Variants in PTPRT observed in about 807,000 individuals in gnomAD.
PTPRT encodes protein tyrosine phosphatase receptor type T, also known as receptor-type tyrosine-protein phosphatase T.
In PTPRT, 56 loss-of-function variants were observed where a neutral mutation model predicts 176.8. That is an observed-to-expected ratio of 0.32 (90% confidence interval 0.26 to 0.40). The LOEUF (loss-of-function observed/expected upper bound fraction) is 0.40, where lower values mean the gene tolerates loss of function less well. Ranked by LOEUF, PTPRT falls within the 10% of genes least tolerant of loss-of-function variation. The probability of loss-of-function intolerance (pLI) is 1.00; values close to 1 mark genes in which losing one functional copy is unlikely to be tolerated. For missense variants in PTPRT, 1,540 were observed against 1,908.2 expected, an observed-to-expected ratio of 0.81 and a Z score of 3.60; for synonymous variants, 783 against 739.0, an observed-to-expected ratio of 1.06 and a Z score of -0.96.
downstream of PTPRT, among the ~76,000 whole-genome samples, chr20:42,071,916 C>T (rs1463406616): frequency 6.6e-6 from 1 of 152,158 alleles, no homozygotes; most frequent in East Asian, 1.9e-4. Flanking sequence ...CTTTGGTCTT[C>T]CAAAGTGCTG....
intron 15 of PTPRT, among the ~76,000 whole-genome samples, chr20:42,231,032 T>G (rs181647186): frequency 5.8e-4 from 88 of 152,332 alleles, no homozygotes; most frequent in African/African-American, 1.9e-3. Flanking sequence ...ACATGTTGCC[T>G]GTGCACAGCA....
chr20:43,078,875 T>C (rs1181068639), intron 1 of PTPRT, among the ~76,000 whole-genome samples: 1 of 152,192 alleles, frequency 6.6e-6, no homozygotes, highest in Non-Finnish European at 1.5e-5. Flanking sequence ...CCAAATGATC[T>C]AAGGAAGCTG....
At chr20:42,442,243 G>A (rs766464023) in intron 9 of PTPRT, among the ~76,000 whole-genome samples, 1 of 152,140 alleles carries the variant, frequency 6.6e-6, no homozygotes, top group Non-Finnish European at 1.5e-5. Context: ...CTCCTGTCTC[G>A]GAAGACGCTC....
At chr20:42,120,484 T>C (rs955639559) in intron 19 of PTPRT, among the ~76,000 whole-genome samples, 1 of 152,224 alleles carries the variant, frequency 6.6e-6, no homozygotes, top group Non-Finnish European at 1.5e-5. Context: ...TATGCCAACA[T>C]TCCTGGGCTT....
At chr20:42,552,854 G>C (rs139359253) in intron 7 of PTPRT, among the ~76,000 whole-genome samples, 3 of 151,906 alleles carry the variant, frequency 2.0e-5, no homozygotes, top group Non-Finnish European at 4.4e-5. Context: ...TTCCACTTTG[G>C]GTATCAAAGA....
intron 1 of PTPRT, among the ~76,000 whole-genome samples, chr20:42,985,011 G>T (rs1983491237): frequency 6.6e-6 from 1 of 152,204 alleles, no homozygotes; most frequent in Admixed American, 6.5e-5. Context: ...CAGGAAGAAG[G>T]AATGAGGAAT....
At chr20:42,702,874 GTTTTGTTTTTGCCTCTCAAA>G (rs1446173308) in intron 6 of PTPRT, among the ~76,000 whole-genome samples, 1 of 152,136 alleles carries the variant, frequency 6.6e-6, no homozygotes, top group Non-Finnish European at 1.5e-5. Flanking sequence ...ACATCTCTTA[GTTTTGTTTTTGCCTCTCAAA>G]TTCAATTCAC....
At chr20:42,383,063 A>T (rs763675432) in intron 9 of PTPRT, among the ~76,000 whole-genome samples, 5 of 152,220 alleles carry the variant, frequency 3.3e-5, no homozygotes, top group African/African-American at 4.8e-5. Flanking sequence ...CAGTTTCCTC[A>T]ATTTAAAAAT....
chr20:42,930,501 G>A (rs6130256), intron 1 of PTPRT, among the ~76,000 whole-genome samples: 1 of 151,260 alleles, frequency 6.6e-6, no homozygotes. Flanking sequence ...TTTTTTTTTA[G>A]GAATAGGATC....
chr20:42,216,824 T>C (rs928742331), intron 15 of PTPRT, among the ~76,000 whole-genome samples: 1 of 152,228 alleles, frequency 6.6e-6, no homozygotes, highest in African/African-American at 2.4e-5. Flanking sequence ...GGCTTTCTTC[T>C]GCAGGTAGTG....
chr20:42,732,162 A>AT (rs1271235960), intron 6 of PTPRT, among the ~76,000 whole-genome samples: 2 of 151,976 alleles, frequency 1.3e-5, no homozygotes, highest in East Asian at 1.9e-4. Context: ...TTTTCTAAAA[A>AT]AAATAAATAA....
chr20:42,811,310 G>A (rs1417105136), intron 2 of PTPRT, among the ~76,000 whole-genome samples: 5 of 152,152 alleles, frequency 3.3e-5, no homozygotes, highest in Non-Finnish European at 7.4e-5. Context: ...ATGGATGGAT[G>A]AGGATGGGCG....
At position 42,350,579 on chromosome 20, in the gene PTPRT, T is replaced by C. The variant is rs369662516; in HGVS notation, c.1865+49A>G. 7 of 1,422,894 alleles carry C rather than the reference T, an allele frequency of 4.9e-6. No homozygotes were observed. The Admixed American group carries it at 1.0e-4, about 20-fold the overall frequency. The allele number at this position is 1,422,894 out of a possible 1,614,324, so 88.1% of individuals were successfully genotyped here. On this transcript the variant is annotated intron_variant, in intron 11 of 30. Coordinates refer to ENST00000373187, the MANE Select transcript of PTPRT (RefSeq NM_007050.6). ...CACATGATTCAACTGGAGGCCCATGTGGCACAGAGAAGAAAAACTGCAGAC... is the reference window on the plus strand; with the variant it reads ...CACATGATTCAACTGGAGGCCCATGCGGCACAGAGAAGAAAAACTGCAGAC...
At chr20:42,879,649 C>T (rs1016689202) in intron 2 of PTPRT, among the ~76,000 whole-genome samples, 1 of 152,176 alleles carries the variant, frequency 6.6e-6, no homozygotes, top group African/African-American at 2.4e-5. Context: ...CAGGAACCCA[C>T]AGGGAAAGGC....
intron 1 of PTPRT, among the ~76,000 whole-genome samples, chr20:43,123,000 G>A (rs2013323374): frequency 6.6e-6 from 1 of 152,054 alleles, no homozygotes; most frequent in Non-Finnish European, 1.5e-5. Context: ...GATTACAGGT[G>A]TGAGCCACCA....
chr20:42,423,272 C>T (rs992166455), intron 9 of PTPRT, among the ~76,000 whole-genome samples: 8 of 151,746 alleles, frequency 5.3e-5, no homozygotes, highest in Admixed American at 2.6e-4. Flanking sequence ...CATAGTATCC[C>T]TTTCCACCAT....
At chr20:43,172,563 G>A (rs940459357) in intron 1 of PTPRT, among the ~76,000 whole-genome samples, 5 of 152,142 alleles carry the variant, frequency 3.3e-5, no homozygotes, top group Non-Finnish European at 7.4e-5. Flanking sequence ...CCCCAGCCAC[G>A]CACTCTTATG....
At position 42,876,944 on chromosome 20, in the gene PTPRT, G is replaced by A. The variant is rs549773295; in HGVS notation, c.214+8863C>T. Among the ~76,000 whole-genome samples the A allele has an allele frequency of 1.1e-3, 175 of 152,218 alleles. No individual in the cohort carries two copies. In the South Asian group the frequency reaches 0.02, roughly 17 times the overall value. On this transcript the variant is annotated intron_variant, in intron 2 of 30. Coordinates refer to ENST00000373187, the MANE Select transcript of PTPRT (RefSeq NM_007050.6). ...TCCTGGAGGAGGTGACATTTGTGCC[G>A]GGGTTTGATTTAGGAGGAAGGAAAA...
At chr20:42,522,784 G>A (rs1259262335) in intron 7 of PTPRT, among the ~76,000 whole-genome samples, 2 of 152,018 alleles carry the variant, frequency 1.3e-5, no homozygotes, top group South Asian at 2.1e-4. Context: ...CACTAACTTT[G>A]CATGTGTTTT....
Sources: gnomAD v4.1 joint callset for allele counts (sites outside exome capture counted in the v4.1 genomes callset) on GRCh38, gnomAD v4.1.1 for gene constraint, MANE v1.5 for transcripts, NCBI Gene and HGNC (gene_info 2026-07-23, HGNC 2026-07-21) for gene names.